Variants in TMEM39A observed in about 807,000 individuals in gnomAD.
The protein encoded by TMEM39A is suppressor of SQST-1 aggregates in rpl-43 mutants.
A neutral mutation model predicts 51.9 loss-of-function variants in TMEM39A; 19 were observed. The ratio of observed to expected loss-of-function variants is 0.37; its 90% confidence interval spans 0.26 to 0.54. TMEM39A has a LOEUF of 0.54. Among genes scored for constraint, TMEM39A ranks in the 20% least tolerant of loss-of-function variants. TMEM39A has a pLI of 0.88. For synonymous variants in TMEM39A, 197 were observed against 220.2 expected, an observed-to-expected ratio of 0.89 and a Z score of 0.93; for missense variants, 433 against 590.5, an observed-to-expected ratio of 0.73 and a Z score of 2.76.
rs889336707 is a variant in TMEM39A at position 119,429,070 on chromosome 3, C to T, written c.*2911G>A. Among the ~76,000 whole-genome samples the T allele has an allele frequency of 2.0e-5, 3 of 152,002 alleles. No homozygotes were observed. The highest frequency in any genetic ancestry group is 6.6e-5 in the Admixed American group (1 of 15,242). On this transcript the variant is annotated 3_prime_UTR_variant, in exon 9 of 9. Transcript: ENST00000319172. ...GTTAATGAACACCCTAGTGTGACAA[C>T]TGGTTTACTTGTCTGTCTTCTATTA... is the stretch of plus-strand genomic sequence containing the variant.
chr3:119,452,669 T>C, intron 3 of TMEM39A, 139 bp from the exon 4 acceptor site: 1 of 602,956 alleles, frequency 1.7e-6, no homozygotes, highest in Non-Finnish European at 2.9e-6. Context: ...ATATGAGAGA[T>C]CTTGAAGAGA....
At chr3:119,457,900 G>A (rs2081287286) in intron 3 of TMEM39A, 118 bp downstream of exon 3, 1 of 669,290 alleles carries the variant, frequency 1.5e-6, no homozygotes, top group African/African-American at 1.8e-5. Flanking sequence ...CTGTGGCCTA[G>A]CAGAAAAACA....
intron 3 of TMEM39A, among the ~76,000 whole-genome samples, chr3:119,456,158 T>C (rs1219471860): frequency 6.6e-6 from 1 of 152,238 alleles, no homozygotes; most frequent in African/African-American, 2.4e-5. Context: ...AGTGAGTATT[T>C]ATTTATAGAA....
chr3:119,449,558 G>C (rs1039416713), intron 4 of TMEM39A, among the ~76,000 whole-genome samples: 1 of 152,106 alleles, frequency 6.6e-6, no homozygotes, highest in Non-Finnish European at 1.5e-5. Context: ...CCAAGGAGGC[G>C]GAGGTTGCAG....
chr3:119,446,997 T>A, intron 5 of TMEM39A, 21 bp downstream of exon 5: 1 of 1,603,958 alleles, frequency 6.2e-7, no homozygotes, highest in Non-Finnish European at 8.5e-7. Context: ...ACTAATAACA[T>A]GGTAAAACTG....
intron 1 of TMEM39A, 31 bp from the exon 2 acceptor site, chr3:119,462,179 G>A: frequency 1.3e-6 from 1 of 766,672 alleles, no homozygotes; most frequent in Non-Finnish European, 2.2e-6. Flanking sequence ...TTAAACATCA[G>A]TAGACTATTT....
In TMEM39A at chr3:119,430,537, T is replaced by A. The variant is rs1008854262; in HGVS notation, c.*1444A>T. The stretch of plus-strand genomic sequence containing the variant: ...ACTGCTATATCCCCAGGGCCTAATA[T>A]AGTGCCTACTGGTTAATATATATTT... On this transcript the variant is annotated 3_prime_UTR_variant, in exon 9 of 9. Coordinates refer to ENST00000319172, the MANE Select transcript of TMEM39A (RefSeq NM_018266.3). 3.3e-5 allele frequency: 5 copies of A among 152,244 alleles called. No individual in the cohort carries two copies. Among genetic ancestry groups the A allele is most frequent in the Non-Finnish European group, 5.9e-5 (4 of 68,004 alleles). 9.4% of individuals were successfully genotyped at this position (152,244 alleles called of 1,614,324 possible). A position where few individuals can be genotyped will look rare whatever the true frequency, so the allele number is the denominator to read the frequency against.
At chr3:119,453,738 G>A (rs1371975707) in intron 3 of TMEM39A, among the ~76,000 whole-genome samples, 3 of 152,078 alleles carry the variant, frequency 2.0e-5, no homozygotes, top group East Asian at 1.9e-4. Flanking sequence ...CCACCTAAAC[G>A]TTTATTAAAT....
chr3:119,448,321 A>G (rs572763624), intron 4 of TMEM39A, among the ~76,000 whole-genome samples: 1 of 152,316 alleles, frequency 6.6e-6, no homozygotes, highest in South Asian at 2.1e-4. Context: ...AATGTAGGGG[A>G]AAATGGAAGA....
At chr3:119,432,383 G>C (rs1450267012) in intron 8 of TMEM39A, among the ~76,000 whole-genome samples, 169 bp from the exon 9 acceptor site, 2 of 151,972 alleles carry the variant, frequency 1.3e-5, no homozygotes, top group African/African-American at 4.8e-5. Flanking sequence ...TATAAAGATT[G>C]AAACCTTTTC....
At chr3:119,438,237 A>G in intron 5 of TMEM39A, 134 bp from the exon 6 acceptor site, 1 of 565,700 alleles carries the variant, frequency 1.8e-6, no homozygotes, top group East Asian at 2.9e-5. Flanking sequence ...CTCAAGAGGG[A>G]CATTGCTGAT....
chr3:119,460,091 A>T (rs553461018), intron 2 of TMEM39A, among the ~76,000 whole-genome samples: 5 of 152,076 alleles, frequency 3.3e-5, no homozygotes, highest in Non-Finnish European at 7.4e-5. Context: ...GTCACAAATA[A>T]TCACTCAATA....
At position 119,432,070 on chromosome 3, in the gene TMEM39A, A is replaced by AG; in HGVS notation, c.1377dup (p.Tyr460LeufsTer5). ...TCCCGGAGAAGTTTAAATAAAACAT[A>AG]GTAGTTGCAGAAGAGGATGAGAGCC... On this transcript the variant is annotated frameshift_variant, in exon 9 of 9. Coordinates refer to ENST00000319172, the MANE Select transcript of TMEM39A (RefSeq NM_018266.3). LOFTEE classifies it high-confidence loss of function. 1 of 1,613,262 alleles carries AG rather than the reference A, an allele frequency of 6.2e-7. No individual in the cohort carries two copies. Among genetic ancestry groups the AG allele is most frequent in the Non-Finnish European group, 8.5e-7 (1 of 1,179,474 alleles).
rs537725299 is a variant in TMEM39A, at chr3:119,455,569, G to A, written c.336+2449C>T. Among the ~76,000 whole-genome samples the A allele has an allele frequency of 2.6e-5, 4 of 152,302 alleles. No individual in the cohort carries two copies. The East Asian group carries it at 5.8e-4, about 22-fold the overall frequency. ...CATCATATAAAACTTGAATAGAAGT[G>A]AGTGAAGTTAGGGGGAAAGGTAGCA... On this transcript the variant is annotated intron_variant, in intron 3 of 8. Transcript: ENST00000319172.
intron 8 of TMEM39A, 69 bp from the exon 9 acceptor site, chr3:119,432,283 G>C (rs2080911261): frequency 8.9e-7 from 1 of 1,121,012 alleles, no homozygotes; most frequent in Admixed American, 2.8e-5. Context: ...TTCTTGCATT[G>C]ATTTTTCTAA....
intron 5 of TMEM39A, among the ~76,000 whole-genome samples, chr3:119,445,363 C>T (rs571957326): frequency 2.8e-4 from 42 of 152,264 alleles, no homozygotes; most frequent in African/African-American, 9.9e-4. Flanking sequence ...CTCCTGGGTT[C>T]GAGTGATTCT....
intron 5 of TMEM39A, among the ~76,000 whole-genome samples, chr3:119,442,519 T>G (rs2081068186): frequency 6.6e-6 from 1 of 152,232 alleles, no homozygotes; most frequent in Non-Finnish European, 1.5e-5. Context: ...TGTAAGGCTA[T>G]TTCTGCATTA....
intron 4 of TMEM39A, among the ~76,000 whole-genome samples, chr3:119,448,355 G>A (rs2081155494): frequency 6.6e-6 from 1 of 152,192 alleles, no homozygotes; most frequent in African/African-American, 2.4e-5. Flanking sequence ...TAAGAGAGCA[G>A]TGATGGAACC....
rs771039524 is a variant in TMEM39A at position 119,458,257 on chromosome 3, T to C, written c.114-17A>G. The stretch of plus-strand genomic sequence containing the variant: ...CTACCATTCCTGAAAGAGAAAACTA[T>C]GGTTAACTCAAATGGTGATAACCTC... On this transcript the variant is annotated splice_polypyrimidine_tract_variant and intron_variant, in intron 2 of 8. Coordinates refer to ENST00000319172, the MANE Select transcript of TMEM39A (RefSeq NM_018266.3). 6.8e-6 allele frequency: 11 copies of C among 1,610,228 alleles called. No individual in the cohort carries two copies. In the East Asian group the frequency reaches 1.1e-4, roughly 16 times the overall value.
Sources: allele counts gnomAD v4.1 joint callset (sites outside exome capture counted in the v4.1 genomes callset), GRCh38; gene constraint gnomAD v4.1.1; transcripts MANE v1.5; gene names NCBI Gene and HGNC (gene_info 2026-07-23, HGNC 2026-07-21).